Variants in C1QTNF9 observed in about 807,000 individuals in gnomAD.
The protein encoded by C1QTNF9 is complement C1q and tumor necrosis factor-related protein 9A.
A neutral mutation model predicts 10.1 loss-of-function variants in C1QTNF9; 6 were observed. That is an observed-to-expected ratio of 0.59 (90% CI 0.32 to 1.17). The LOEUF (loss-of-function observed/expected upper bound fraction) is 1.17. Ranked by LOEUF, C1QTNF9 falls within the 50% of genes most tolerant of loss-of-function variation. The pLI is 0.04. For missense variants in C1QTNF9, 201 were observed against 418.8 expected (o/e 0.48, Z 4.54); for synonymous variants, 98 against 163.5 (o/e 0.60, Z 3.06).
intron 1 of C1QTNF9, chr13:24,315,704 A>C: frequency 2.0e-6 from 1 of 495,794 alleles, no homozygotes; most frequent in Non-Finnish European, 3.6e-6. Context: ...TCAAAGTGAA[A>C]TGATGAACGG....
chr13:24,314,364 C>G (rs1877948141), intron 1 of C1QTNF9, among the ~76,000 whole-genome samples: 1 of 150,400 alleles, frequency 6.6e-6, no homozygotes, highest in Non-Finnish European at 1.5e-5. Context: ...AGAGTGAGAC[C>G]CAGTCTCTCC....
upstream of C1QTNF9, among the ~76,000 whole-genome samples, chr13:24,308,948 T>C (rs1406055367): frequency 6.6e-6 from 1 of 152,094 alleles, no homozygotes. Flanking sequence ...AGGTGGAGTG[T>C]GTGATTGTGA....
intron 2 of C1QTNF9, among the ~76,000 whole-genome samples, chr13:24,317,667 G>A (rs1565956698): frequency 6.6e-6 from 1 of 151,944 alleles, no homozygotes; most frequent in East Asian, 1.9e-4. Context: ...TATACTACCT[G>A]TGCATAATGT....
At chr13:24,308,376 T>C (rs979738584), upstream of C1QTNF9, among the ~76,000 whole-genome samples, 4 of 152,190 alleles carry the variant, frequency 2.6e-5, no homozygotes, top group African/African-American at 9.6e-5. Flanking sequence ...CGGCCAGAAC[T>C]GCTGAGAGCC....
chr13:24,317,655 C>T, intron 2 of C1QTNF9, among the ~76,000 whole-genome samples: 1 of 151,848 alleles, frequency 6.6e-6, no homozygotes, highest in Non-Finnish European at 1.5e-5. Flanking sequence ...ACATATTTTC[C>T]ATATACTACC....
At chr13:24,320,282 C>A (rs1179256110) in intron 3 of C1QTNF9, among the ~76,000 whole-genome samples, 1 of 152,150 alleles carries the variant, frequency 6.6e-6, no homozygotes, top group African/African-American at 2.4e-5. Context: ...TAATTTCTAA[C>A]GTGAGCCCTG....
At chr13:24,318,999 T>A in intron 3 of C1QTNF9, 119 bp downstream of exon 3, 1 of 1,387,938 alleles carries the variant, frequency 7.2e-7, no homozygotes, top group Non-Finnish European at 1.0e-6. Context: ...CAGTTCTTAC[T>A]CTCCAGACGG....
chr13:24,312,961 A>AG (rs1593531754), intron 1 of C1QTNF9, among the ~76,000 whole-genome samples: 1 of 151,340 alleles, frequency 6.6e-6, no homozygotes, highest in East Asian at 1.9e-4. Flanking sequence ...TCTCAAAAAA[A>AG]AAAAAAAAGA....
intron 3 of C1QTNF9, among the ~76,000 whole-genome samples, chr13:24,320,345 C>T (rs1878203771): frequency 6.6e-6 from 1 of 152,062 alleles, no homozygotes; most frequent in South Asian, 2.1e-4. Flanking sequence ...TGTGTGTGTC[C>T]ATGTGCACAC....
Position 24,318,471 on chromosome 13 carries a change from C to T in C1QTNF9, c.167-347C>T, listed in dbSNP as rs994058815. On this transcript the variant is annotated intron_variant, in intron 2 of 3. Coordinates refer to ENST00000332018, the Ensembl canonical transcript of C1QTNF9. ...CCTGGCACCTCCAACATTCAGACCA[C>T]GTCCCAAGTCCTTGTCGCAGGAGAG... Among the ~76,000 whole-genome samples, 14 of 152,080 alleles carry T rather than the reference C, an allele frequency of 9.2e-5. No individual in the cohort carries two copies. The South Asian group carries it at 1.9e-3, about 21-fold the overall frequency.
chr13:24,315,791 C>T, intron 1 of C1QTNF9, 191 bp from the exon 2 acceptor site: 1 of 587,748 alleles, frequency 1.7e-6, no homozygotes. Context: ...ACAAGTGTTA[C>T]CTTCCAAGGA....
At chr13:24,316,436 C>A (rs1007982982) in intron 2 of C1QTNF9, among the ~76,000 whole-genome samples, 3 of 152,142 alleles carry the variant, frequency 2.0e-5, no homozygotes, top group African/African-American at 7.2e-5. Context: ...CCCTGCCCTC[C>A]TGGGTTCTCT....
intron 1 of C1QTNF9, among the ~76,000 whole-genome samples, chr13:24,313,998 A>T (rs1284718794): frequency 1.3e-5 from 2 of 152,178 alleles, no homozygotes; most frequent in Non-Finnish European, 2.9e-5. Context: ...CTATTGTTAC[A>T]TAGTATGTAG....
chr13:24,315,815 G>A, intron 1 of C1QTNF9, 167 bp from the exon 2 acceptor site: 1 of 669,496 alleles, frequency 1.5e-6, no homozygotes, highest in Non-Finnish European at 2.5e-6. Flanking sequence ...TGTCATTCTG[G>A]TTATAATCAG....
chr13:24,316,520 A>T (rs920230694), intron 2 of C1QTNF9, among the ~76,000 whole-genome samples: 2 of 152,200 alleles, frequency 1.3e-5, no homozygotes, highest in African/African-American at 4.8e-5. Flanking sequence ...GACAGGTATG[A>T]TGGATTTTTG....
upstream of C1QTNF9, among the ~76,000 whole-genome samples, chr13:24,307,775 G>A (rs1593528429): frequency 2.0e-5 from 3 of 152,318 alleles, no homozygotes; most frequent in African/African-American, 7.2e-5. Flanking sequence ...GAGAGTTGTG[G>A]GGAGATGACC....
At chr13:24,310,086 G>A (rs1422120871) in intron 1 of C1QTNF9, among the ~76,000 whole-genome samples, 4 of 151,738 alleles carry the variant, frequency 2.6e-5, no homozygotes, top group South Asian at 4.2e-4. Flanking sequence ...TAGAGATGGG[G>A]TTCCACCATC....
At chr13:24,313,572 A>G (rs778656598) in intron 1 of C1QTNF9, among the ~76,000 whole-genome samples, 1 of 152,214 alleles carries the variant, frequency 6.6e-6, no homozygotes. Context: ...CCTGGAATGG[A>G]GCGAATTTGT....
chr13:24,320,310 G>A (rs776775852), intron 3 of C1QTNF9, among the ~76,000 whole-genome samples: 79 of 152,246 alleles, frequency 5.2e-4, no homozygotes, highest in Non-Finnish European at 5.6e-4. Flanking sequence ...TTTAGTAGAC[G>A]GTAGTCAAAA....
Sources: allele counts gnomAD v4.1 joint callset (sites outside exome capture counted in the v4.1 genomes callset), GRCh38; gene constraint gnomAD v4.1.1; transcripts MANE v1.5; gene names NCBI Gene and HGNC (gene_info 2026-07-23, HGNC 2026-07-21).